Variants in PCDHGA9 observed in about 807,000 individuals in gnomAD.
The protein encoded by PCDHGA9 is protocadherin gamma-A9.
Under a neutral mutation model 62.5 loss-of-function variants are expected in PCDHGA9, and 37 were observed. The observed-to-expected ratio is 0.59, with a 90% confidence interval of 0.46 to 0.78. The LOEUF (loss-of-function observed/expected upper bound fraction) is 0.78, where lower values mean the gene tolerates loss of function less well. Among genes scored for constraint, PCDHGA9 ranks in the 30% least tolerant of loss-of-function variants. PCDHGA9 has a pLI of 0.00. For missense variants in PCDHGA9, 1,138 were observed against 1,166.2 expected, an observed-to-expected ratio of 0.98 and a Z score of 0.35; for synonymous variants, 459 against 484.6, an observed-to-expected ratio of 0.95 and a Z score of 0.69.
At chr5:141,426,174 G>A (rs1213063298) in intron 1 of PCDHGA9, 1 of 155,354 alleles carries the variant, frequency 6.4e-6, no homozygotes, top group Non-Finnish European at 1.4e-5. Flanking sequence ...ACGGATTGGG[G>A]TGCCCTCAAA....
intron 3 of PCDHGA9, chr5:141,508,415 A>T (rs2099868684): frequency 6.6e-6 from 1 of 152,158 alleles, no homozygotes; most frequent in Non-Finnish European, 1.5e-5. Context: ...CCACGCAGAG[A>T]CTTGACCAAG....
chr5:141,428,167 G>GCGTGA (rs746443726), intron 1 of PCDHGA9: 3 of 1,548,998 alleles, frequency 1.9e-6, no homozygotes, highest in South Asian at 1.1e-5. Context: ...TGGTTGCTGT[G>GCGTGA]CGTGACGGAG....
chr5:141,487,397 G>C lies in PCDHGA9; in HGVS notation c.2425-7410G>C. On this transcript the variant is annotated intron_variant, in intron 1 of 3. Coordinates refer to ENST00000573521, the MANE Select transcript of PCDHGA9 (RefSeq NM_018921.3). The surrounding 1 kb of genome is among the most constrained non-coding windows in gnomAD (Gnocchi z 5.0). ...TCTCACCAGATCTCGAAGGAGGGAG[G>C]GGCTTCCCCCTTCCAATGGGATCCT... The C allele has an allele frequency of 6.2e-7, 1 of 1,614,062 alleles. No homozygotes were observed. The highest frequency in any genetic ancestry group is 8.5e-7 in the Non-Finnish European group (1 of 1,180,008).
At chr5:141,419,889 A>T in intron 1 of PCDHGA9, 1 of 1,614,084 alleles carries the variant, frequency 6.2e-7, no homozygotes, top group Middle Eastern at 1.6e-4. Flanking sequence ...GATTTCAGCG[A>T]CCATCCCACA....
rs776132438 is a variant in PCDHGA9 at position 141,432,197 on chromosome 5, G to A, written c.2424+26821G>A. The A allele has an allele frequency of 2.5e-6, 4 of 1,614,112 alleles. No individual in the cohort carries two copies. The South Asian group carries it at 3.3e-5, about 13-fold the overall frequency. The stretch of plus-strand genomic sequence containing the variant: ...CGTCTCTGTGACCGCCCACGACCCC[G>A]ACTGTGAAGAGAACGCCCAGATCAC... On this transcript the variant is annotated intron_variant, in intron 1 of 3. Coordinates refer to ENST00000573521, the MANE Select transcript of PCDHGA9 (RefSeq NM_018921.3). The surrounding 1 kb of genome is among the most constrained non-coding windows in gnomAD (Gnocchi z 6.0).
intron 1 of PCDHGA9, among the ~76,000 whole-genome samples, chr5:141,434,605 T>C (rs1448149059): frequency 6.6e-6 from 1 of 152,198 alleles, no homozygotes; most frequent in Non-Finnish European, 1.5e-5. Context: ...ATCCCTTTAT[T>C]TCCGCCCATC....
At chr5:141,500,184 T>TTATA (rs530565701) in intron 2 of PCDHGA9, among the ~76,000 whole-genome samples, 2 of 135,886 alleles carry the variant, frequency 1.5e-5, no homozygotes, top group Non-Finnish European at 3.2e-5. Flanking sequence ...TCATTTTTAT[T>TTATA]TTTATTTATT....
rs2154594699 is a variant in PCDHGA9 at position 141,512,507 on chromosome 5, C to T, written c.*1334C>T. 6.5e-6 allele frequency: 1 copy of T among 153,048 alleles called. No individual in the cohort carries two copies. Among genetic ancestry groups the T allele is most frequent in the South Asian group, 2.1e-4 (1 of 4,836 alleles). 9.5% of individuals were successfully genotyped at this position (153,048 alleles called of 1,614,324 possible). ...CACTGCCCAGGTCCCCAGTGCGCCCCCTAGTGGCCATAGCCTGGTTAAAGT... is the reference window on the plus strand; with the variant it reads ...CACTGCCCAGGTCCCCAGTGCGCCCTCTAGTGGCCATAGCCTGGTTAAAGT... On this transcript the variant is annotated 3_prime_UTR_variant, in exon 4 of 4. Transcript: ENST00000573521.
At position 141,479,006 on chromosome 5, in the gene PCDHGA9, T is replaced by C. The variant is rs148063283; in HGVS notation, c.2425-15801T>C. On this transcript the variant is annotated intron_variant, in intron 1 of 3. Transcript: ENST00000573521. ...ACATTTGTATTAAAACTAATAGCTT[T>C]TTGATAATTTTCCTTTGTTTATACA... Among the ~76,000 whole-genome samples the C allele has an allele frequency of 1.2e-3, 179 of 152,340 alleles. 2 individuals are homozygous for C. The highest frequency in any genetic ancestry group is 0.011 in the Admixed American group (170 of 15,300).
chr5:141,415,304 C>A, intron 1 of PCDHGA9: 1 of 1,614,188 alleles, frequency 6.2e-7, no homozygotes, highest in Non-Finnish European at 8.5e-7. Context: ...GTCTTCCTGG[C>A]CTTCGTCATC....
intron 1 of PCDHGA9, among the ~76,000 whole-genome samples, chr5:141,406,925 G>A (rs1003832711): frequency 2.0e-5 from 3 of 152,268 alleles, no homozygotes; most frequent in African/African-American, 7.2e-5. Flanking sequence ...AGAGAATAAT[G>A]TATTATTTAA....
At chr5:141,469,552 C>T (rs956606902) in intron 1 of PCDHGA9, among the ~76,000 whole-genome samples, 3 of 151,910 alleles carry the variant, frequency 2.0e-5, no homozygotes, top group Non-Finnish European at 4.4e-5. Flanking sequence ...TCCAGCCTGG[C>T]GACAGAGTGA....
chr5:141,414,415 C>A (rs769791452), intron 1 of PCDHGA9: 1 of 1,613,876 alleles, frequency 6.2e-7, no homozygotes, highest in Admixed American at 1.7e-5. Context: ...ACACAGAGCC[C>A]TTGACAGGGA....
chr5:141,423,299 C>T (rs1225422770), intron 1 of PCDHGA9: 2 of 1,614,128 alleles, frequency 1.2e-6, no homozygotes, highest in Non-Finnish European at 1.7e-6. Context: ...TCAGACCTCT[C>T]GCTGTACTTG....
At position 141,491,605 on chromosome 5, in the gene PCDHGA9, T is replaced by C; in HGVS notation, c.2425-3202T>C. On this transcript the variant is annotated intron_variant, in intron 1 of 3. Coordinates refer to ENST00000573521, the MANE Select transcript of PCDHGA9 (RefSeq NM_018921.3). This position sits in a 1 kb window ranked among gnomAD's most constrained non-coding sequence, Gnocchi z 6.9. Reference sequence around the variant, plus strand: ...GGCCTCGGACGGCAGTGACTTCACTTTTCTAAGACCCCTCAGCGTTCAGCA... The same window carrying C: ...GGCCTCGGACGGCAGTGACTTCACTCTTCTAAGACCCCTCAGCGTTCAGCA... 6.2e-7 allele frequency: 1 copy of C among 1,613,868 alleles called. No individual in the cohort carries two copies. Among genetic ancestry groups the C allele is most frequent in the East Asian group, 2.2e-5 (1 of 44,858 alleles).
Position 141,490,983 on chromosome 5 carries a change from C to T in PCDHGA9, c.2425-3824C>T. ...ACTCAGCCCCCCAGCGTCTCCCTCG[C>T]TCTGCTCCTCCTGGCTCCTTGGTCA... On this transcript the variant is annotated intron_variant, in intron 1 of 3. Transcript: ENST00000573521. The surrounding 1 kb of genome is among the most constrained non-coding windows in gnomAD (Gnocchi z 5.4). 2 of 1,614,120 alleles carry T rather than the reference C, an allele frequency of 1.2e-6. No individual in the cohort carries two copies. Among genetic ancestry groups the T allele is most frequent in the South Asian group, 2.2e-5 (2 of 91,082 alleles).
At chr5:141,420,006 GAC>G (rs745722189) in intron 1 of PCDHGA9, 1 of 1,613,936 alleles carries the variant, frequency 6.2e-7, no homozygotes, top group African/African-American at 1.3e-5. Flanking sequence ...CTACGCCTGC[GAC>G]AGTCTTTCAG....
rs1288507078 is a variant in PCDHGA9 at position 141,476,171 on chromosome 5, G to A, written c.2425-18636G>A. On this transcript the variant is annotated intron_variant, in intron 1 of 3. Transcript: ENST00000573521. This position sits in a 1 kb window ranked among gnomAD's most constrained non-coding sequence, Gnocchi z 7.6. ...GGTAAGCACCGGGAGGGTAGTGGGA[G>A]TTTTGCTTCTGCTTGGTGCCTTGAA... The A allele has an allele frequency of 1.2e-6, 2 of 1,613,442 alleles. No individual in the cohort carries two copies. The highest frequency in any genetic ancestry group is 1.7e-6 in the Non-Finnish European group (2 of 1,179,978).
At position 141,421,030 on chromosome 5, in the gene PCDHGA9, G is replaced by A. The variant is rs989158485; in HGVS notation, c.2424+15654G>A. The stretch of plus-strand genomic sequence containing the variant: ...GGAATGGGAAGCTGCGCGCCATTGA[G>A]TCCCTCCCTCCCCCGCCTCTACCAC... On this transcript the variant is annotated intron_variant, in intron 1 of 3. Coordinates refer to ENST00000573521, the MANE Select transcript of PCDHGA9 (RefSeq NM_018921.3). 39 of 532,352 alleles carry A rather than the reference G, an allele frequency of 7.3e-5. No homozygotes were observed. In the East Asian group the frequency reaches 1.2e-3, roughly 17 times the overall value. 33.0% of individuals were successfully genotyped at this position (532,352 alleles called of 1,614,324 possible). A position where few individuals can be genotyped will look rare whatever the true frequency, so the allele number is the denominator to read the frequency against.
Sources: gnomAD v4.1 joint callset for allele counts (sites outside exome capture counted in the v4.1 genomes callset) on GRCh38, gnomAD v4.1.1 for gene constraint, Gnocchi (gnomAD v3.1) non-coding constraint, MANE v1.5 for transcripts, NCBI Gene and HGNC (gene_info 2026-07-23, HGNC 2026-07-21) for gene names.